PTPRJ: variants seen among roughly 807,000 people sequenced by gnomAD.
PTPRJ encodes the protein receptor-type tyrosine-protein phosphatase eta.
PTPRJ carries 129 observed loss-of-function variants against 141.3 expected under a neutral mutation model. The observed-to-expected ratio is 0.91, with a 90% CI of 0.79 to 1.06. The LOEUF is 1.06. Among genes scored for constraint, PTPRJ ranks in the 50% least tolerant of loss-of-function variants. The probability of loss-of-function intolerance (pLI) is 0.00; values close to 1 mark genes in which losing one functional copy is unlikely to be tolerated. For missense variants in PTPRJ, 1,601 were observed against 1,679.7 expected, an observed-to-expected ratio of 0.95 and a Z score of 0.82; for synonymous variants, 610 against 640.5, an observed-to-expected ratio of 0.95 and a Z score of 0.72.
At chr11:48,079,871 C>T (rs750073444) in intron 1 of PTPRJ, among the ~76,000 whole-genome samples, 1 of 152,120 alleles carries the variant, frequency 6.6e-6, no homozygotes, top group East Asian at 1.9e-4. Flanking sequence ...GTGCTGCCCA[C>T]TGAACTCTCT....
intron 1 of PTPRJ, among the ~76,000 whole-genome samples, chr11:48,008,001 A>G (rs1236823992): frequency 6.6e-6 from 1 of 152,212 alleles, no homozygotes; most frequent in Non-Finnish European, 1.5e-5. Flanking sequence ...GACACTAAAG[A>G]TACAGTGGTG....
chr11:48,067,397 G>T (rs1035749757), intron 1 of PTPRJ, among the ~76,000 whole-genome samples: 2 of 152,182 alleles, frequency 1.3e-5, no homozygotes, highest in Non-Finnish European at 2.9e-5. Flanking sequence ...CCTCCTCGGA[G>T]GTCCCCTGGT....
intron 1 of PTPRJ, among the ~76,000 whole-genome samples, chr11:48,094,593 T>C (rs74774504): frequency 0.016 from 2,363 of 152,294 alleles, 73 homozygotes; most frequent in African/African-American, 0.054. Flanking sequence ...TACAAGGATT[T>C]GGAGAACCCC....
At chr11:48,020,778 C>T (rs1486577143) in intron 1 of PTPRJ, among the ~76,000 whole-genome samples, 2 of 152,168 alleles carry the variant, frequency 1.3e-5, no homozygotes, top group Non-Finnish European at 2.9e-5. Flanking sequence ...TCCTCCTGCC[C>T]CTCCCACGTT....
intron 1 of PTPRJ, among the ~76,000 whole-genome samples, chr11:47,984,254 T>A (rs1290057659): frequency 6.6e-6 from 1 of 152,206 alleles, no homozygotes; most frequent in Non-Finnish European, 1.5e-5. Context: ...ATTTAGCTCC[T>A]AAAAGTAATT....
Position 48,159,916 on chromosome 11 carries a change from C to T in PTPRJ, c.3439-14C>T. 1 of 1,612,956 alleles carries T rather than the reference C, an allele frequency of 6.2e-7. No individual in the cohort carries two copies. ...TGATCTGAGTCTTCTTATAAAAATG[C>T]AATTTTGTTCTAGACCAAATGTGAG... On this transcript the variant is annotated splice_polypyrimidine_tract_variant and intron_variant, in intron 21 of 24. Coordinates refer to ENST00000418331, the MANE Select transcript of PTPRJ (RefSeq NM_002843.4).
chr11:48,136,149 G>C lies in PTPRJ; in HGVS notation c.1726G>C (p.Glu576Gln), dbSNP rs1378450758. The change falls in exon 9 of 25, where the codon GAG becomes CAG. Residue 576 changes from glutamate (E) to glutamine (Q), a missense_variant. Glu to Gln is a conservative substitution (Grantham distance 29). Coordinates refer to ENST00000418331, the MANE Select transcript of PTPRJ (RefSeq NM_002843.4). ...CGAGTATGTCTACCATTTAGTCATA[G>C]AGTCCAAGCATGGCTCTAACCACAC... ...ASEYVYHLVI[E>Q]SKHGSNHTST... is the part of the protein sequence containing the mutation. 1.3e-5 allele frequency: 21 copies of C among 1,614,186 alleles called. No individual in the cohort carries two copies. Among genetic ancestry groups the C allele is most frequent in the Non-Finnish European group, 1.7e-5 (20 of 1,180,026 alleles).
At chr11:48,046,811 A>G (rs1344563301) in intron 1 of PTPRJ, among the ~76,000 whole-genome samples, 1 of 151,472 alleles carries the variant, frequency 6.6e-6, no homozygotes, top group East Asian at 1.9e-4. Context: ...CAGCTTGCAC[A>G]AAAGAGGACC....
At chr11:48,013,424 C>T (rs1444477970) in intron 1 of PTPRJ, among the ~76,000 whole-genome samples, 1 of 152,210 alleles carries the variant, frequency 6.6e-6, no homozygotes, top group African/African-American at 2.4e-5. Context: ...ACTCAGATGA[C>T]TGAATGGTCC....
intron 3 of PTPRJ, among the ~76,000 whole-genome samples, chr11:48,116,750 A>G (rs1856575148): frequency 6.6e-6 from 1 of 152,262 alleles, no homozygotes; most frequent in Non-Finnish European, 1.5e-5. Context: ...CAAACTAGAA[A>G]TAAATAACAG....
At chr11:48,160,483 T>C (rs1039483) in intron 22 of PTPRJ, among the ~76,000 whole-genome samples, 151,167 of 152,364 alleles carry the variant, frequency 0.99, 75,004 homozygotes, top group Middle Eastern at 1. Context: ...CACATGGCCT[T>C]CCTTCCCCTC....
intron 1 of PTPRJ, among the ~76,000 whole-genome samples, chr11:48,035,097 C>G (rs1039812421): frequency 6.6e-6 from 1 of 152,184 alleles, no homozygotes; most frequent in Non-Finnish European, 1.5e-5. Context: ...TGTTCCTTCC[C>G]TGGTGATTCA....
At chr11:48,019,119 C>A (rs370286951) in intron 1 of PTPRJ, among the ~76,000 whole-genome samples, 1 of 152,072 alleles carries the variant, frequency 6.6e-6, no homozygotes, top group African/African-American at 2.4e-5. Context: ...CCCTTCCAGG[C>A]TGCCAAGAGT....
chr11:48,069,593 G>C (rs904421331), intron 1 of PTPRJ, among the ~76,000 whole-genome samples: 1 of 151,804 alleles, frequency 6.6e-6, no homozygotes, highest in Admixed American at 6.6e-5. Context: ...GGGGCTACAG[G>C]CGCCTGCCAC....
chr11:48,093,703 A>G (rs1855930828), intron 1 of PTPRJ, among the ~76,000 whole-genome samples: 2 of 152,168 alleles, frequency 1.3e-5, no homozygotes. Flanking sequence ...GGAATTTTCA[A>G]ATTGAGGCTT....
chr11:48,126,575 T>C (rs1213734402), intron 6 of PTPRJ, among the ~76,000 whole-genome samples: 2 of 152,016 alleles, frequency 1.3e-5, no homozygotes, highest in Non-Finnish European at 2.9e-5. Context: ...GGTTGCAGAC[T>C]CCCTGGGTCT....
At chr11:48,050,012 G>T (rs1038441950) in intron 1 of PTPRJ, among the ~76,000 whole-genome samples, 2 of 152,088 alleles carry the variant, frequency 1.3e-5, no homozygotes, top group Admixed American at 1.3e-4. Context: ...AAACTAGAAG[G>T]GCCTCTTTTG....
intron 19 of PTPRJ, among the ~76,000 whole-genome samples, chr11:48,154,738 C>A (rs1379196457): frequency 6.6e-6 from 1 of 152,190 alleles, no homozygotes; most frequent in Admixed American, 6.5e-5. Context: ...TTCTTTCTCT[C>A]CATTTATTTC....
At chr11:48,160,860 G>A (rs541396824) in intron 22 of PTPRJ, among the ~76,000 whole-genome samples, 3 of 152,148 alleles carry the variant, frequency 2.0e-5, no homozygotes, top group East Asian at 1.9e-4. Context: ...ACTATGACTC[G>A]TCTGCTTATA....
Sources: gnomAD v4.1 joint callset for allele counts (sites outside exome capture counted in the v4.1 genomes callset) on GRCh38, gnomAD v4.1.1 for gene constraint, MANE v1.5 for transcripts, NCBI Gene and HGNC (gene_info 2026-07-23, HGNC 2026-07-21) for gene names.